Variants in SIPA1L2 observed in about 807,000 individuals in gnomAD.
The protein encoded by SIPA1L2 is signal-induced proliferation-associated 1-like protein 2.
A neutral mutation model predicts 163.9 loss-of-function variants in SIPA1L2; 56 were observed. The ratio of observed to expected loss-of-function variants is 0.34; its 90% CI spans 0.28 to 0.43. The LOEUF is 0.43. SIPA1L2 is among the 20% of genes least tolerant of loss of function. The pLI is 1.00. For missense variants in SIPA1L2, 1,974 were observed against 2,193.5 expected, an observed-to-expected ratio of 0.90 and a Z score of 2.00; for synonymous variants, 877 against 865.7, an observed-to-expected ratio of 1.01 and a Z score of -0.23.
At chr1:232,411,945 G>C (rs1044052145) in intron 19 of SIPA1L2, among the ~76,000 whole-genome samples, 1 of 152,084 alleles carries the variant, frequency 6.6e-6, no homozygotes, top group African/African-American at 2.4e-5. Flanking sequence ...CAGCAATGTG[G>C]TCTGGAAACA....
chr1:232,541,892 A>C (rs1301714475), intron 2 of SIPA1L2, among the ~76,000 whole-genome samples: 1 of 150,152 alleles, frequency 6.7e-6, no homozygotes, highest in Non-Finnish European at 1.5e-5. Flanking sequence ...ATGAAGGGGA[A>C]CTGGGGCAGG....
intron 6 of SIPA1L2, among the ~76,000 whole-genome samples, chr1:232,480,994 A>T (rs1446889002): frequency 1.3e-5 from 2 of 152,212 alleles, no homozygotes; most frequent in Admixed American, 1.3e-4. Context: ...GCTCCAAAAG[A>T]CATTCATAAA....
Position 232,441,231 on chromosome 1 carries a change from T to C in SIPA1L2, c.3642+60A>G, listed in dbSNP as rs1662872618. The C allele has an allele frequency of 1.0e-5, 13 of 1,288,178 alleles. No individual in the cohort carries two copies. The South Asian group carries it at 1.9e-4, about 19-fold the overall frequency. 79.8% of individuals were successfully genotyped at this position (1,288,178 alleles called of 1,614,324 possible). A position where few individuals can be genotyped will look rare whatever the true frequency, so the allele number is the denominator to read the frequency against. ...CCCCAGGAATCAGGCTGTACCACTG[T>C]GTGCTGAGACAGATCAGTCCTGGCT... On this transcript the variant is annotated intron_variant, in intron 14 of 22. Coordinates refer to ENST00000674635, the MANE Select transcript of SIPA1L2 (RefSeq NM_020808.5).
intron 1 of SIPA1L2, among the ~76,000 whole-genome samples, chr1:232,614,847 G>C (rs1483849053): frequency 1.3e-5 from 2 of 152,156 alleles, no homozygotes; most frequent in Non-Finnish European, 2.9e-5. Flanking sequence ...TTTGATAGTG[G>C]AAAGTGACAA....
At chr1:232,428,144 C>T (rs1251533766) in intron 17 of SIPA1L2, among the ~76,000 whole-genome samples, 1 of 152,186 alleles carries the variant, frequency 6.6e-6, no homozygotes, top group Non-Finnish European at 1.5e-5. Context: ...CTACCCATTG[C>T]TGGAGCCAGG....
At chr1:232,419,470 G>A (rs985212376) in intron 18 of SIPA1L2, among the ~76,000 whole-genome samples, 1 of 152,116 alleles carries the variant, frequency 6.6e-6, no homozygotes, top group South Asian at 2.1e-4. Context: ...GTAGGGCCTC[G>A]TGGAAGGTGT....
chr1:232,618,685 C>T (rs1558308334), intron 1 of SIPA1L2, among the ~76,000 whole-genome samples: 1 of 151,406 alleles, frequency 6.6e-6, no homozygotes, highest in Non-Finnish European at 1.5e-5. Flanking sequence ...TGTTACTCCG[C>T]ATAATTTTAA....
At chr1:232,613,770 G>C (rs1662369759) in intron 1 of SIPA1L2, among the ~76,000 whole-genome samples, 1 of 152,248 alleles carries the variant, frequency 6.6e-6, no homozygotes, top group South Asian at 2.1e-4. Flanking sequence ...TCTCAATTTA[G>C]GGAGCACAGA....
At chr1:232,588,642 A>C (rs1353969061) in intron 1 of SIPA1L2, among the ~76,000 whole-genome samples, 2 of 152,218 alleles carry the variant, frequency 1.3e-5, no homozygotes, top group Non-Finnish European at 2.9e-5. Flanking sequence ...CTATTATCTG[A>C]AAGGAAATTC....
Position 232,616,967 on chromosome 1 carries a change from A to AT in SIPA1L2, c.-319+12901dup, listed in dbSNP as rs1028823082. Among the ~76,000 whole-genome samples the AT allele has an allele frequency of 1.1e-3, 165 of 152,222 alleles. 1 individual carries two copies. Among genetic ancestry groups the AT allele is most frequent in the African/African-American group, 3.8e-3 (157 of 41,548 alleles). ...TCAGCATAAGTGATTGAAAATCTGT[A>AT]TTTTTTCAGGGCTAATTGATTAGTC... is the stretch of plus-strand genomic sequence containing the variant. On this transcript the variant is annotated intron_variant, in intron 1 of 22. Transcript: ENST00000674635.
chr1:232,423,947 G>C (rs1661725106), intron 18 of SIPA1L2, among the ~76,000 whole-genome samples: 1 of 152,174 alleles, frequency 6.6e-6, no homozygotes, highest in South Asian at 2.1e-4. Context: ...AATGGAAATA[G>C]TAAAAAGATT....
chr1:232,555,761 G>A (rs1658665349), intron 2 of SIPA1L2, among the ~76,000 whole-genome samples: 2 of 152,192 alleles, frequency 1.3e-5, no homozygotes, highest in African/African-American at 2.4e-5. Flanking sequence ...CAGAACAGCA[G>A]GGGATAGAGA....
chr1:232,454,896 T>C (rs960127351), intron 10 of SIPA1L2, among the ~76,000 whole-genome samples: 4 of 152,232 alleles, frequency 2.6e-5, no homozygotes, highest in African/African-American at 9.6e-5. Flanking sequence ...TAAGTACTAC[T>C]GCATTTTAGA....
intron 1 of SIPA1L2, among the ~76,000 whole-genome samples, chr1:232,584,983 G>A (rs750109359): frequency 2.0e-4 from 31 of 152,210 alleles, no homozygotes; most frequent in Non-Finnish European, 3.8e-4. Flanking sequence ...TCACTAAGTA[G>A]TAAGGGGATA....
chr1:232,399,204 C>G lies in SIPA1L2; in HGVS notation c.5092G>C (p.Glu1698Gln). Residue 1698 changes from glutamate to glutamine, a missense_variant, in exon 23 of 23, where the codon GAG (glutamate) becomes CAG (glutamine). Glu to Gln is a conservative substitution (Grantham distance 29). Coordinates refer to ENST00000674635, the MANE Select transcript of SIPA1L2 (RefSeq NM_020808.5). ...TGAGCTGTCGCGGTCTGGGACTCCTCCTGCAGTCTCATGTTGTCCTGTCTC... is the reference window on the plus strand; with the variant it reads ...TGAGCTGTCGCGGTCTGGGACTCCTGCTGCAGTCTCATGTTGTCCTGTCTC... ...HLRQDNMRLQEESQTATAQLR... is the reference protein window; with the variant it reads ...HLRQDNMRLQQESQTATAQLR... 1.2e-6 allele frequency: 2 copies of G among 1,613,830 alleles called. No individual in the cohort carries two copies. The highest frequency in any genetic ancestry group is 2.2e-5 in the East Asian group (1 of 44,838).
chr1:232,524,919 T>C (rs568732090), intron 2 of SIPA1L2, among the ~76,000 whole-genome samples: 1 of 152,292 alleles, frequency 6.6e-6, no homozygotes, highest in East Asian at 1.9e-4. Flanking sequence ...ACTGTATATG[T>C]ATGCTAACTT....
At chr1:232,609,501 T>C (rs924660418) in intron 1 of SIPA1L2, among the ~76,000 whole-genome samples, 14 of 152,130 alleles carry the variant, frequency 9.2e-5, no homozygotes, top group Admixed American at 7.9e-4. Flanking sequence ...AATAGTGTTA[T>C]CAATCCAAAC....
rs972501409 is a variant in SIPA1L2 at position 232,465,784 on chromosome 1, G to A, written c.2244-368C>T. ...AGGACCCTTAAGGAGGTGGCTAAGT[G>A]AAACCATTCGGGTGGGCCCTAATCC... On this transcript the variant is annotated intron_variant, in intron 8 of 22. Coordinates refer to ENST00000674635, the MANE Select transcript of SIPA1L2 (RefSeq NM_020808.5). The surrounding 1 kb of genome is among the most constrained non-coding windows in gnomAD (Gnocchi z 4.1). 6.6e-6 allele frequency among the ~76,000 whole-genome samples: 1 copy of A among 151,910 alleles called. No homozygotes were observed. The highest frequency in any genetic ancestry group is 1.5e-5 in the Non-Finnish European group (1 of 67,992).
intron 2 of SIPA1L2, among the ~76,000 whole-genome samples, chr1:232,539,367 T>C (rs1454109577): frequency 2.0e-5 from 3 of 152,284 alleles, no homozygotes; most frequent in South Asian, 2.1e-4. Context: ...ACGAGAACAC[T>C]CAAAATCACT....
Sources: gnomAD v4.1 joint callset for allele counts (sites outside exome capture counted in the v4.1 genomes callset) on GRCh38, gnomAD v4.1.1 for gene constraint, Gnocchi (gnomAD v3.1) non-coding constraint, MANE v1.5 for transcripts, NCBI Gene and HGNC (gene_info 2026-07-23, HGNC 2026-07-21) for gene names.